The following NF2 variants were observed in gnomAD, a reference collection of about 807,000 sequenced individuals.
The protein encoded by NF2 is merlin.
In NF2, 8 loss-of-function variants were observed where a neutral mutation model predicts 83.7. The ratio of observed to expected loss-of-function variants is 0.10; its 90% CI spans 0.06 to 0.17. NF2 has a LOEUF of 0.17. Among genes scored for constraint, NF2 ranks in the 10% least tolerant of loss-of-function variants. The pLI is 1.00. For synonymous variants in NF2, 266 were observed against 269.6 expected (o/e 0.99, Z 0.13); for missense variants, 533 against 744.4 (o/e 0.72, Z 3.31).
At chr22:29,650,810 C>A (rs2066127645) in intron 4 of NF2, among the ~76,000 whole-genome samples, 1 of 152,130 alleles carries the variant, frequency 6.6e-6, no homozygotes, top group Admixed American at 6.6e-5. Flanking sequence ...ACCATGTTGG[C>A]CAGACTGGTC....
At chr22:29,660,223 C>T (rs149677808) in intron 7 of NF2, among the ~76,000 whole-genome samples, 6 of 152,314 alleles carry the variant, frequency 3.9e-5, no homozygotes, top group Admixed American at 6.5e-5. Context: ...CCAGGGCACC[C>T]GCCGCGGGCT....
At chr22:29,604,343 C>G (rs938880316) in intron 1 of NF2, among the ~76,000 whole-genome samples, 4 of 152,170 alleles carry the variant, frequency 2.6e-5, no homozygotes, top group South Asian at 4.1e-4. Flanking sequence ...CTGGATGCTC[C>G]TGTGATAGAA....
intron 9 of NF2, among the ~76,000 whole-genome samples, chr22:29,667,451 G>C (rs1048990145): frequency 1.3e-5 from 2 of 152,086 alleles, no homozygotes; most frequent in African/African-American, 4.8e-5. Context: ...ATGTTGTCCA[G>C]GCTTGTCTTA....
At chr22:29,638,215 G>A (rs2065699652) in intron 2 of NF2, among the ~76,000 whole-genome samples, 1 of 152,150 alleles carries the variant, frequency 6.6e-6, no homozygotes, top group African/African-American at 2.4e-5. Context: ...TACAGACTGT[G>A]CTTCAAGTAT....
Position 29,628,140 on chromosome 22 carries a change from C to CTGTGTGTGTG in NF2, c.115-8575_115-8566dup, listed in dbSNP as rs3138701. ...TTGCCAGGGTTCTGGGAGACTTAATCTGTGTGTGTGTGTGTGTGTGTGTGT... is the reference window on the plus strand; with the variant it reads ...TTGCCAGGGTTCTGGGAGACTTAATCTGTGTGTGTGTGTGTGTGTGTGTGTGTGTGTGTGT... On this transcript the variant is annotated intron_variant, in intron 1 of 15. Coordinates refer to ENST00000338641, the MANE Select transcript of NF2 (RefSeq NM_000268.4). Among the ~76,000 whole-genome samples the CTGTGTGTGTG allele has an allele frequency of 4.6e-3, 638 of 139,764 alleles. 5 individuals carry two copies. The highest frequency in any genetic ancestry group is 0.011 in the African/African-American group (393 of 37,410). 91.7% of individuals were successfully genotyped at this position (139,764 alleles called of 152,430 possible). A position where few individuals can be genotyped will look rare whatever the true frequency, so the allele number is the denominator to read the frequency against.
intron 10 of NF2, among the ~76,000 whole-genome samples, chr22:29,669,471 C>T (rs902412735): frequency 6.6e-6 from 1 of 152,212 alleles, no homozygotes; most frequent in African/African-American, 2.4e-5. Context: ...TGCACCACTA[C>T]ATTCCAGCCT....
intron 15 of NF2, chr22:29,683,424 T>TG: frequency 1.6e-6 from 2 of 1,271,276 alleles, no homozygotes; most frequent in South Asian, 3.6e-5. Context: ...AGCATGGAAA[T>TG]GGGGTCAATC....
intron 3 of NF2, among the ~76,000 whole-genome samples, chr22:29,639,973 G>C (rs954890063): frequency 6.7e-5 from 10 of 149,780 alleles, no homozygotes; most frequent in African/African-American, 2.5e-4. Context: ...GAGGCGGGCA[G>C]ATCACGAGGT....
Position 29,695,117 on chromosome 22 carries a change from A to G in NF2, c.*315A>G. ...AGGCACCGGTGTGTGTGTGTCTTGC[A>G]CTCCAGAGCTGACCTCCACCGCCCA... On this transcript the variant is annotated 3_prime_UTR_variant, in exon 16 of 16. Transcript: ENST00000338641. This position sits in a 1 kb window ranked among gnomAD's most constrained non-coding sequence, Gnocchi z 5.4. 4.0e-6 allele frequency: 2 copies of G among 499,660 alleles called. No individual in the cohort carries two copies. Among genetic ancestry groups the G allele is most frequent in the Non-Finnish European group, 7.3e-6 (2 of 273,086 alleles). The allele number at this position is 499,660 out of a possible 1,614,324, so 31.0% of individuals were successfully genotyped here. A position where few individuals can be genotyped will look rare whatever the true frequency, so the allele number is the denominator to read the frequency against.
At chr22:29,674,032 T>C (rs999970922) in intron 12 of NF2, among the ~76,000 whole-genome samples, 3 of 152,184 alleles carry the variant, frequency 2.0e-5, no homozygotes, top group African/African-American at 7.2e-5. Flanking sequence ...GTCTGTACTT[T>C]TGAAAGACTA....
chr22:29,645,148 GA>G (rs956283671), intron 4 of NF2, among the ~76,000 whole-genome samples: 3 of 152,072 alleles, frequency 2.0e-5, no homozygotes, highest in African/African-American at 7.2e-5. Flanking sequence ...CATTTGTGGG[GA>G]AAAAAGGCTA....
At chr22:29,650,011 A>G (rs1016775822) in intron 4 of NF2, among the ~76,000 whole-genome samples, 4 of 152,178 alleles carry the variant, frequency 2.6e-5, no homozygotes, top group Non-Finnish European at 4.4e-5. Context: ...ATATATACCT[A>G]CTATGTACCC....
At chr22:29,608,203 A>G (rs919038952) in intron 1 of NF2, among the ~76,000 whole-genome samples, 5 of 150,042 alleles carry the variant, frequency 3.3e-5, no homozygotes, top group Non-Finnish European at 5.9e-5. Context: ...AAAAAGTACA[A>G]TAACAAATTT....
chr22:29,646,282 G>A (rs2065980332), intron 4 of NF2, among the ~76,000 whole-genome samples: 1 of 152,228 alleles, frequency 6.6e-6, no homozygotes, highest in South Asian at 2.1e-4. Flanking sequence ...TCTCGATGGA[G>A]AGGATTTCAG....
rs2067484212 is a variant in NF2 at position 29,694,260 on chromosome 22, C to T, written c.1738-492C>T. 6.6e-6 allele frequency among the ~76,000 whole-genome samples: 1 copy of T among 152,214 alleles called. No individual in the cohort carries two copies. Among genetic ancestry groups the T allele is most frequent in the African/African-American group, 2.4e-5 (1 of 41,460 alleles). Reference sequence around the variant, plus strand: ...CAGGAGTAGAAGGGGTAAACTCTTCCTCATCTGCCACAGGCCTGCCTTGCC... The same window carrying T: ...CAGGAGTAGAAGGGGTAAACTCTTCTTCATCTGCCACAGGCCTGCCTTGCC... On this transcript the variant is annotated intron_variant, in intron 15 of 15. Transcript: ENST00000338641. This position sits in a 1 kb window ranked among gnomAD's most constrained non-coding sequence, Gnocchi z 4.1.
Position 29,604,116 on chromosome 22 carries a change from A to T in NF2, c.114+4A>T, listed in dbSNP as rs1207246677. On this transcript the variant is annotated splice_donor_region_variant and intron_variant, in intron 1 of 15. Coordinates refer to ENST00000338641, the MANE Select transcript of NF2 (RefSeq NM_000268.4). ...CGAGATGGAGTTCAATTGCGAGGTA[A>T]CCGGCCGGCAGCCCCGACTGCTGCG... 1.9e-6 allele frequency: 3 copies of T among 1,593,252 alleles called. No homozygotes were observed. Among genetic ancestry groups the T allele is most frequent in the Non-Finnish European group, 2.6e-6 (3 of 1,169,252 alleles).
chr22:29,639,881 C>CA (rs763315832), intron 3 of NF2, among the ~76,000 whole-genome samples: 371 of 21,088 alleles, frequency 0.018, 11 homozygotes, highest in Middle Eastern at 0.067. Flanking sequence ...GGTTCCGTCT[C>CA]AAAAAAAAAA....
intron 1 of NF2, among the ~76,000 whole-genome samples, chr22:29,628,606 G>C (rs1404513678): frequency 6.6e-6 from 1 of 151,190 alleles, no homozygotes; most frequent in Non-Finnish European, 1.5e-5. Flanking sequence ...TTGCAAAGAG[G>C]AGCTTTCAAG....
rs137953976 is a variant in NF2, at chr22:29,673,352, C to T, written c.1206C>T (p.Ala402=). 135 of 1,606,600 alleles carry T rather than the reference C, an allele frequency of 8.4e-5. No homozygotes were observed. The highest frequency in any genetic ancestry group is 5.0e-4 in the Middle Eastern group (3 of 6,054). The change falls in exon 12 of 16, where the codon GCC becomes GCT. Residue 402 remains alanine, a synonymous_variant. Coordinates refer to ENST00000338641, the MANE Select transcript of NF2 (RefSeq NM_000268.4). ...AGGCAAAACTTCTGGCCCAGAAGGC[C>T]GCAGAGGCTGAGCAGGAAATGCAGC... The part of the protein sequence containing the change: ...EEEAKLLAQK[A]AEAEQEMQRI...
Sources: allele counts gnomAD v4.1 joint callset (sites outside exome capture counted in the v4.1 genomes callset), GRCh38; gene constraint gnomAD v4.1.1; non-coding constraint Gnocchi (gnomAD v3.1); transcripts MANE v1.5; gene names NCBI Gene and HGNC (gene_info 2026-07-23, HGNC 2026-07-21).